DNAJA2: variants seen among roughly 807,000 people sequenced by gnomAD.
DNAJA2 encodes the protein DnaJ heat shock protein family (Hsp40) member A2, also known as dnaJ homolog subfamily A member 2.
DNAJA2 carries 6 observed loss-of-function variants against 49.3 expected under a neutral mutation model. The observed-to-expected ratio is 0.12, with a 90% CI of 0.07 to 0.24. The LOEUF (loss-of-function observed/expected upper bound fraction) is 0.24. Among genes scored for constraint, DNAJA2 ranks in the 10% least tolerant of loss-of-function variants. DNAJA2 has a pLI of 1.00. For synonymous variants in DNAJA2, 160 were observed against 172.7 expected, an observed-to-expected ratio of 0.93 and a Z score of 0.58; for missense variants, 347 against 516.8, an observed-to-expected ratio of 0.67 and a Z score of 3.19.
At chr16:46,962,267 C>T (rs796724133) in intron 6 of DNAJA2, among the ~76,000 whole-genome samples, 11 of 152,268 alleles carry the variant, frequency 7.2e-5, no homozygotes, top group African/African-American at 2.6e-4. Context: ...AAGTCCTTTG[C>T]CTCCAAATCC....
rs773304512 is a variant in DNAJA2 at position 46,967,601 on chromosome 16, T to A, written c.489A>T (p.Arg163=). 6.2e-7 allele frequency: 1 copy of A among 1,614,138 alleles called. No homozygotes were observed. Among genetic ancestry groups the A allele is most frequent in the South Asian group, 1.1e-5 (1 of 91,080 alleles). Residue 163 remains arginine (R), a synonymous_variant, in exon 5 of 9, where the codon CGA becomes CGT. Coordinates refer to ENST00000317089, the MANE Select transcript of DNAJA2 (RefSeq NM_005880.4). The stretch of plus-strand genomic sequence containing the variant: ...TGATCATGATGCGCACACCTCGACC[T>A]CGACAAGCACTACACTTTTGGACAG... ...SGAVQKCSAC[R]GRGVRIMIRQ... is the part of the protein sequence containing the mutation.
At chr16:46,972,092 T>C in intron 1 of DNAJA2, 137 bp from the exon 2 acceptor site, 1 of 670,628 alleles carries the variant, frequency 1.5e-6, no homozygotes, top group Non-Finnish European at 2.6e-6. Flanking sequence ...TTCGTAGGGA[T>C]TCTTCGGCAC....
rs10523905 is a variant in DNAJA2 at position 46,970,730 on chromosome 16, C to CAA, written c.362+617_362+618dup. On this transcript the variant is annotated intron_variant, in intron 3 of 8. Transcript: ENST00000317089. ...AACCCGGGCGACAGGGACTCCATTT[C>CAA]AAAAAAAAAAAAAAAAAAAAAAAAA... 1.5e-3 allele frequency among the ~76,000 whole-genome samples: 49 copies of CAA among 32,194 alleles called. 1 individual carries two copies. The highest frequency in any genetic ancestry group is 4.7e-3 in the African/African-American group (45 of 9,638). 21.1% of individuals were successfully genotyped at this position (32,194 alleles called of 152,430 possible).
intron 3 of DNAJA2, among the ~76,000 whole-genome samples, chr16:46,970,660 G>C (rs1962030226): frequency 7.0e-6 from 1 of 142,216 alleles, no homozygotes; most frequent in South Asian, 2.3e-4. Context: ...TCTTGAACCT[G>C]AGAGGAGGGG....
chr16:46,969,726 T>C (rs750589020), intron 3 of DNAJA2, among the ~76,000 whole-genome samples: 2 of 152,216 alleles, frequency 1.3e-5, no homozygotes, highest in Non-Finnish European at 2.9e-5. Context: ...GAATACCCTA[T>C]ATAAAAGGTA....
intron 3 of DNAJA2, among the ~76,000 whole-genome samples, chr16:46,970,756 A>AAAAAAAAAAAAAG (rs1962033694): frequency 3.4e-5 from 5 of 145,388 alleles, no homozygotes; most frequent in African/African-American, 7.8e-5. Flanking sequence ...AAAAAAAAAA[A>AAAAAAAAAAAAAG]GGTCGGGCAC....
chr16:46,966,898 G>A (rs1296297808), intron 5 of DNAJA2, among the ~76,000 whole-genome samples: 1 of 152,116 alleles, frequency 6.6e-6, no homozygotes, highest in African/African-American at 2.4e-5. Flanking sequence ...GTCCTCCTAT[G>A]GTGGTCATTC....
At chr16:46,964,537 C>G in intron 6 of DNAJA2, 74 bp downstream of exon 6, 1 of 1,446,132 alleles carries the variant, frequency 6.9e-7, no homozygotes, top group Non-Finnish European at 9.3e-7. Flanking sequence ...CCAAACAGAT[C>G]TAACCTATTT....
At chr16:46,965,728 G>A (rs1401962781) in intron 5 of DNAJA2, among the ~76,000 whole-genome samples, 1 of 151,628 alleles carries the variant, frequency 6.6e-6, no homozygotes, top group Non-Finnish European at 1.5e-5. Context: ...CTACTCAGGA[G>A]GCCGAGGCAG....
chr16:46,957,894 C>T (rs1241927044), intron 8 of DNAJA2, among the ~76,000 whole-genome samples: 1 of 152,108 alleles, frequency 6.6e-6, no homozygotes, highest in Non-Finnish European at 1.5e-5. Context: ...TACTCCTCAT[C>T]ACCACCCACA....
intron 3 of DNAJA2, 50 bp downstream of exon 3, chr16:46,971,299 A>C (rs775969055): frequency 1.1e-5 from 17 of 1,534,498 alleles, no homozygotes; most frequent in Non-Finnish European, 1.4e-5. Context: ...TCATTATCCC[A>C]CTTGACAAAA....
Position 46,973,655 on chromosome 16 carries a change from C to A in DNAJA2, c.-83G>T. 2.1e-6 allele frequency: 3 copies of A among 1,457,726 alleles called. No individual in the cohort carries two copies. Among genetic ancestry groups the A allele is most frequent in the Non-Finnish European group, 9.3e-7 (1 of 1,075,202 alleles). The allele number at this position is 1,457,726 out of a possible 1,614,324, so 90.3% of individuals were successfully genotyped here. On this transcript the variant is annotated 5_prime_UTR_variant, in exon 1 of 9. Transcript: ENST00000317089. ...GGCCCACAAGCGGCGTCGGCGGCGG[C>A]ACAGGCCGAGGGAGACAGCGAGGGG...
chr16:46,967,438 A>G, intron 5 of DNAJA2, 75 bp downstream of exon 5: 1 of 1,581,738 alleles, frequency 6.3e-7, no homozygotes, highest in Non-Finnish European at 8.6e-7. Context: ...TTGAAATAAA[A>G]AATTGTAAAC....
At chr16:46,971,617 G>A (rs780337202) in intron 2 of DNAJA2, 45 bp from the exon 3 acceptor site, 19 of 1,134,506 alleles carry the variant, frequency 1.7e-5, no homozygotes, top group Non-Finnish European at 2.3e-5. Flanking sequence ...TTTTCAAGTA[G>A]AAGAGTGGGG....
intron 1 of DNAJA2, among the ~76,000 whole-genome samples, chr16:46,973,217 G>A (rs1962082143): frequency 6.6e-6 from 1 of 152,144 alleles, no homozygotes; most frequent in Admixed American, 6.5e-5. Flanking sequence ...GCTCGTTCAA[G>A]GAGGGAGGAA....
In DNAJA2 at chr16:46,959,073, T is replaced by C. The variant is rs1049292742; in HGVS notation, c.977A>G (p.Lys326Arg). The change falls in exon 8 of 9, where the codon AAA becomes AGA. Residue 326 changes from lysine (K) to arginine (R), a missense_variant. Coordinates refer to ENST00000317089, the MANE Select transcript of DNAJA2 (RefSeq NM_005880.4). Reference sequence around the variant, plus strand: ...ATCAAACTTTATGTAAAGATCACCTTTTTCAAAGGGATTACGATACTGCGG... The same window carrying C: ...ATCAAACTTTATGTAAAGATCACCTCTTTCAAAGGGATTACGATACTGCGG... ...GMPQYRNPFEKGDLYIKFDVQ... is the reference protein window; with the variant it reads ...GMPQYRNPFERGDLYIKFDVQ... 1 of 1,613,298 alleles carries C rather than the reference T, an allele frequency of 6.2e-7. No homozygotes were observed. Among genetic ancestry groups the C allele is most frequent in the Non-Finnish European group, 8.5e-7 (1 of 1,179,774 alleles).
At chr16:46,971,318 A>AT (rs1287302231) in intron 3 of DNAJA2, 31 bp downstream of exon 3, 1 of 1,588,592 alleles carries the variant, frequency 6.3e-7, no homozygotes, top group African/African-American at 1.4e-5. Flanking sequence ...AAAGTACTTA[A>AT]TTTTTTAAAA....
At chr16:46,957,660 AT>A (rs1412495312) in intron 8 of DNAJA2, among the ~76,000 whole-genome samples, 1 of 152,150 alleles carries the variant, frequency 6.6e-6, no homozygotes, top group Non-Finnish European at 1.5e-5. Flanking sequence ...TAAGTAAAAG[AT>A]CACAAACTCA....
In DNAJA2 at chr16:46,971,969, T is replaced by TA. The variant is rs773144299; in HGVS notation, c.79-15dup. The TA allele has an allele frequency of 1.3e-6, 2 of 1,594,018 alleles. No individual in the cohort carries two copies. The highest frequency in any genetic ancestry group is 1.7e-5 in the Admixed American group (1 of 59,160). On this transcript the variant is annotated splice_polypyrimidine_tract_variant and intron_variant, in intron 1 of 8. Coordinates refer to ENST00000317089, the MANE Select transcript of DNAJA2 (RefSeq NM_005880.4). Reference sequence around the variant, plus strand: ...CTTTCTGTATGCCTTTGAAAATGGATAAAAACAAAAAAGGTTATAACTAAA... The same window carrying TA: ...CTTTCTGTATGCCTTTGAAAATGGATAAAAAACAAAAAAGGTTATAACTAAA...
Sources: gnomAD v4.1 joint callset for allele counts (sites outside exome capture counted in the v4.1 genomes callset) on GRCh38, gnomAD v4.1.1 for gene constraint, MANE v1.5 for transcripts, NCBI Gene and HGNC (gene_info 2026-07-23, HGNC 2026-07-21) for gene names.